The following SH3GL3 variants were observed in gnomAD, a reference collection of about 807,000 sequenced individuals.
The protein encoded by SH3GL3 is SH3 domain containing GRB2 like 3, endophilin A3.
SH3GL3 carries 33 observed loss-of-function variants against 47.7 expected under a neutral mutation model. That is an observed-to-expected ratio of 0.69 (90% CI 0.52 to 0.92). The LOEUF is 0.92. SH3GL3 is among the 40% of genes least tolerant of loss of function. SH3GL3 has a pLI of 0.00. For synonymous variants in SH3GL3, 155 were observed against 148.8 expected, an observed-to-expected ratio of 1.04 and a Z score of -0.30; for missense variants, 363 against 417.8, an observed-to-expected ratio of 0.87 and a Z score of 1.14.
At chr15:83,542,465 A>G (rs1056157314) in intron 1 of SH3GL3, among the ~76,000 whole-genome samples, 1 of 152,046 alleles carries the variant, frequency 6.6e-6, no homozygotes, top group African/African-American at 2.4e-5. Flanking sequence ...GTCTTTTGTG[A>G]TTCCATATAA....
Position 83,537,382 on chromosome 15 carries a change from AC to A in SH3GL3, c.46-21870del, listed in dbSNP as rs139815047. 8.8e-3 allele frequency among the ~76,000 whole-genome samples: 1,340 copies of A among 152,294 alleles called. 22 individuals are homozygous for A. The highest frequency in any genetic ancestry group is 0.03 in the African/African-American group (1,251 of 41,566). On this transcript the variant is annotated intron_variant, in intron 1 of 8. Coordinates refer to ENST00000427482, the MANE Select transcript of SH3GL3 (RefSeq NM_003027.5). ...ATATTAATGGCTAATATTTAATGAGACTTAACAGTGTCAGATACTGTTCTAA... is the reference window on the plus strand; with the variant it reads ...ATATTAATGGCTAATATTTAATGAGATTAACAGTGTCAGATACTGTTCTAA...
chr15:83,485,459 G>T (rs1352896565), intron 1 of SH3GL3, among the ~76,000 whole-genome samples: 2 of 152,010 alleles, frequency 1.3e-5, no homozygotes, highest in Non-Finnish European at 2.9e-5. Flanking sequence ...GCATTTTTTA[G>T]CATTGTAAAG....
At chr15:83,490,971 A>G in intron 1 of SH3GL3, 1 of 1,608,692 alleles carries the variant, frequency 6.2e-7, no homozygotes, top group Non-Finnish European at 8.5e-7. Flanking sequence ...AGCCATTCTC[A>G]TCAGCACAGA....
intron 2 of SH3GL3, among the ~76,000 whole-genome samples, chr15:83,559,893 C>A (rs924673611): frequency 1.3e-5 from 2 of 152,126 alleles, no homozygotes; most frequent in Non-Finnish European, 2.9e-5. Flanking sequence ...CAAACATTAA[C>A]GTATTTGAAA....
intron 8 of SH3GL3, among the ~76,000 whole-genome samples, chr15:83,601,663 T>C (rs1036543868): frequency 6.6e-6 from 1 of 152,154 alleles, no homozygotes; most frequent in Non-Finnish European, 1.5e-5. Flanking sequence ...TTTTCTTTTT[T>C]TTCTATGTCC....
the SH3GL3 span, among the ~76,000 whole-genome samples, chr15:83,625,084 C>A: frequency 6.6e-6 from 1 of 152,040 alleles, no homozygotes; most frequent in Non-Finnish European, 1.5e-5. Context: ...GATGGTGAAA[C>A]CCCATCTCTA....
intron 1 of SH3GL3, among the ~76,000 whole-genome samples, chr15:83,545,556 C>T (rs1233766326): frequency 1.3e-5 from 2 of 152,090 alleles, no homozygotes; most frequent in East Asian, 3.9e-4. Flanking sequence ...CTTGTTTTTT[C>T]TGGACGGTCT....
chr15:83,602,334 CA>C (rs1253094159), intron 8 of SH3GL3, among the ~76,000 whole-genome samples: 1 of 152,160 alleles, frequency 6.6e-6, no homozygotes, highest in African/African-American at 2.4e-5. Flanking sequence ...GCTGCTGTAA[CA>C]AAATACCTTA....
intron 1 of SH3GL3, among the ~76,000 whole-genome samples, chr15:83,493,771 G>A (rs1267369604): frequency 3.9e-5 from 6 of 152,212 alleles, no homozygotes; most frequent in Non-Finnish European, 5.9e-5. Context: ...CTGCTGGGCG[G>A]GAGGGAGGGT....
downstream of SH3GL3, among the ~76,000 whole-genome samples, chr15:83,621,277 A>G (rs2060914941): frequency 6.6e-6 from 1 of 152,222 alleles, no homozygotes; most frequent in African/African-American, 2.4e-5. Flanking sequence ...GCTTTCAATA[A>G]GCCTCCCTCA....
At chr15:83,559,182 T>C in intron 1 of SH3GL3, 71 bp from the exon 2 acceptor site, 1 of 910,992 alleles carries the variant, frequency 1.1e-6, no homozygotes, top group Non-Finnish European at 1.7e-6. Flanking sequence ...GTTTCTGTTT[T>C]TAATAATTTA....
At position 83,618,658 on chromosome 15, in the gene SH3GL3, C is replaced by A. The variant is rs778510870; in HGVS notation, c.*371C>A. 5 of 219,960 alleles carry A rather than the reference C, an allele frequency of 2.3e-5. No individual in the cohort carries two copies. The highest frequency in any genetic ancestry group is 4.6e-5 in the Non-Finnish European group (5 of 108,748). The allele number at this position is 219,960 out of a possible 1,614,324, so 13.6% of individuals were successfully genotyped here. ...CTAAATATTTTGTTTCTCGACATTC[C>A]TGATGACGTCTGGTCTTTTCTTTTC... On this transcript the variant is annotated 3_prime_UTR_variant, in exon 9 of 9. Transcript: ENST00000427482.
At chr15:83,589,019 A>AT (rs994545026) in intron 8 of SH3GL3, among the ~76,000 whole-genome samples, 6 of 152,030 alleles carry the variant, frequency 3.9e-5, no homozygotes, top group Non-Finnish European at 7.4e-5. Flanking sequence ...ATCATCCTTT[A>AT]TTTTTTTAAC....
the SH3GL3 span, among the ~76,000 whole-genome samples, chr15:83,628,426 C>T: frequency 2.0e-5 from 3 of 152,134 alleles, no homozygotes; most frequent in African/African-American, 4.8e-5. Context: ...CAAGAAAAAG[C>T]AATACATGGA....
intron 1 of SH3GL3, among the ~76,000 whole-genome samples, chr15:83,491,169 A>T (rs1467696502): frequency 6.6e-6 from 1 of 152,206 alleles, no homozygotes; most frequent in Non-Finnish European, 1.5e-5. Flanking sequence ...CAGAGTCCCT[A>T]AGCTCACCTG....
At position 83,612,761 on chromosome 15, in the gene SH3GL3, T is replaced by G. The variant is rs576555914; in HGVS notation, c.839-5321T>G. 2.0e-5 allele frequency among the ~76,000 whole-genome samples: 3 copies of G among 152,280 alleles called. No homozygotes were observed. In the East Asian group the frequency reaches 5.8e-4, roughly 30 times the overall value. On this transcript the variant is annotated intron_variant, in intron 8 of 8. Transcript: ENST00000427482. The stretch of plus-strand genomic sequence containing the variant: ...AAAGAGCTTGTATCTCTTCTCTGGA[T>G]GGCAGGAAACAGCTCCTCCCTCTCC...
At chr15:83,569,219 G>A (rs965748130) in intron 4 of SH3GL3, among the ~76,000 whole-genome samples, 3 of 152,114 alleles carry the variant, frequency 2.0e-5, no homozygotes, top group Non-Finnish European at 4.4e-5. Context: ...TTTATGCCTT[G>A]TTTATTCTTA....
rs182652669 is a variant in SH3GL3 at position 83,493,403 on chromosome 15, G to A, written c.45+45825G>A. On this transcript the variant is annotated intron_variant, in intron 1 of 8. Transcript: ENST00000427482. ...TTAAAGAAAACAAAAAAAAGCACAT[G>A]TACACCTTTCTGGTCTCCCTCCTCT... 2.9e-4 allele frequency among the ~76,000 whole-genome samples: 44 copies of A among 152,294 alleles called. 1 individual carries two copies. The highest frequency in any genetic ancestry group is 2.1e-4 in the Non-Finnish European group (14 of 68,024).
intron 1 of SH3GL3, among the ~76,000 whole-genome samples, chr15:83,465,757 T>A (rs545938641): frequency 6.6e-6 from 1 of 152,218 alleles, no homozygotes; most frequent in Non-Finnish European, 1.5e-5. Flanking sequence ...ATATTTTCGA[T>A]ATTTTGATAA....
Sources: allele counts gnomAD v4.1 joint callset (sites outside exome capture counted in the v4.1 genomes callset), GRCh38; gene constraint gnomAD v4.1.1; transcripts MANE v1.5; gene names NCBI Gene and HGNC (gene_info 2026-07-23, HGNC 2026-07-21).